PTPRD: variants seen among roughly 807,000 people sequenced by gnomAD.
PTPRD encodes receptor-type tyrosine-protein phosphatase delta.
A neutral mutation model predicts 214.5 loss-of-function variants in PTPRD; 34 were observed. The observed-to-expected ratio is 0.16, with a 90% CI of 0.12 to 0.21. The LOEUF (loss-of-function observed/expected upper bound fraction) is 0.21. PTPRD is among the 10% of genes least tolerant of loss of function. PTPRD has a pLI of 1.00. For missense variants in PTPRD, 2,545 were observed against 2,398.7 expected (o/e 1.06, Z -1.27); for synonymous variants, 1,128 against 845.7 (o/e 1.33, Z -5.79).
intron 9 of PTPRD, among the ~76,000 whole-genome samples, chr9:9,286,888 A>ATG: frequency 9.8e-5 from 1 of 10,226 alleles, no homozygotes; most frequent in Non-Finnish European, 1.6e-4. Context: ...ATATATATAT[A>ATG]TATATATATA....
chr9:8,572,732 T>C (rs1026113354), intron 14 of PTPRD, among the ~76,000 whole-genome samples: 3 of 151,944 alleles, frequency 2.0e-5, no homozygotes, highest in Non-Finnish European at 1.5e-5. Context: ...CTCCTTAACT[T>C]GAAAAAAATA....
rs1382400751 is a variant in PTPRD at position 8,341,905 on chromosome 9, C to T, written c.4735G>A (p.Val1579Ile). Residue 1579 changes from valine (V) to isoleucine (I), a missense_variant, in exon 40 of 46, where the codon GTA becomes ATA. Val to Ile is a conservative substitution (Grantham distance 29). Coordinates refer to ENST00000381196, the MANE Select transcript of PTPRD (RefSeq NM_002839.4). ...MLERIKHEKTVDIYGHVTLMR... is the reference protein window; with the variant it reads ...MLERIKHEKTIDIYGHVTLMR... ...AAAGTTACATGGCCATAAATATCTA[C>T]AGTTTTTTCATGCTTTATTCTTTCT... The T allele has an allele frequency of 1.2e-6, 2 of 1,613,246 alleles. No homozygotes were observed. The highest frequency in any genetic ancestry group is 1.7e-6 in the Non-Finnish European group (2 of 1,179,610).
At chr9:8,540,531 C>A (rs1593167317) in intron 14 of PTPRD, among the ~76,000 whole-genome samples, 1 of 152,110 alleles carries the variant, frequency 6.6e-6, no homozygotes, top group Admixed American at 6.6e-5. Context: ...TAACATAATG[C>A]ACGTTTATTA....
intron 34 of PTPRD, among the ~76,000 whole-genome samples, chr9:8,439,653 T>A (rs1163657559): frequency 6.6e-6 from 1 of 152,214 alleles, no homozygotes; most frequent in African/African-American, 2.4e-5. Flanking sequence ...TTGAAACTGT[T>A]TAGCTCATAT....
intron 11 of PTPRD, among the ~76,000 whole-genome samples, chr9:8,743,447 G>T (rs1176957166): frequency 1.3e-5 from 2 of 152,168 alleles, no homozygotes; most frequent in African/African-American, 2.4e-5. Context: ...ACAGTCTCAG[G>T]AAAGAAATAC....
intron 10 of PTPRD, among the ~76,000 whole-genome samples, chr9:9,136,994 T>C (rs898928900): frequency 1.3e-5 from 2 of 152,194 alleles, no homozygotes; most frequent in Non-Finnish European, 2.9e-5. Context: ...TGATGTTTTC[T>C]TCTTGTTTAT....
At chr9:9,643,827 A>G (rs1054040771) in intron 7 of PTPRD, among the ~76,000 whole-genome samples, 9 of 152,156 alleles carry the variant, frequency 5.9e-5, no homozygotes, top group African/African-American at 2.2e-4. Context: ...GTTTCCAAAC[A>G]TAATAAATCC....
chr9:9,131,279 C>A (rs538747406), intron 10 of PTPRD, among the ~76,000 whole-genome samples: 23 of 152,174 alleles, frequency 1.5e-4, no homozygotes, highest in African/African-American at 5.5e-4. Context: ...AGTATGAAAA[C>A]TTTTAGTATT....
At chr9:9,151,060 T>A (rs1048562331) in intron 10 of PTPRD, among the ~76,000 whole-genome samples, 6 of 152,196 alleles carry the variant, frequency 3.9e-5, no homozygotes, top group Non-Finnish European at 7.4e-5. Context: ...TAATTAAATA[T>A]TTCCTCCCAA....
intron 2 of PTPRD, among the ~76,000 whole-genome samples, chr9:10,541,832 T>G (rs931480511): frequency 5.9e-5 from 9 of 152,062 alleles, no homozygotes; most frequent in African/African-American, 2.2e-4. Context: ...ATGGGTTAAA[T>G]ATATTTAATA....
At chr9:10,068,590 C>G (rs558297752) in intron 3 of PTPRD, among the ~76,000 whole-genome samples, 2 of 151,914 alleles carry the variant, frequency 1.3e-5, no homozygotes, top group Admixed American at 6.6e-5. Flanking sequence ...TTTTCAACCA[C>G]CAAACCATAT....
intron 7 of PTPRD, among the ~76,000 whole-genome samples, chr9:9,606,911 A>G (rs2094192306): frequency 7.0e-6 from 1 of 143,686 alleles, no homozygotes; most frequent in South Asian, 2.3e-4. Flanking sequence ...ATTAAGGCAG[A>G]CAGGGCTATC....
chr9:9,805,203 A>C (rs991725006), intron 5 of PTPRD, among the ~76,000 whole-genome samples: 1 of 152,174 alleles, frequency 6.6e-6, no homozygotes, highest in African/African-American at 2.4e-5. Flanking sequence ...ATAACCCCCA[A>C]ATGAATGATG....
At chr9:9,807,068 C>T (rs936723380) in intron 5 of PTPRD, among the ~76,000 whole-genome samples, 4 of 152,184 alleles carry the variant, frequency 2.6e-5, no homozygotes, top group Admixed American at 2.6e-4. Context: ...ACTTGGCCCT[C>T]TTCCAAGTAT....
intron 39 of PTPRD, among the ~76,000 whole-genome samples, chr9:8,347,567 G>T (rs2074227032): frequency 6.6e-6 from 1 of 152,124 alleles, no homozygotes; most frequent in Non-Finnish European, 1.5e-5. Flanking sequence ...TTGAGGAAGT[G>T]CCATTGAAAC....
chr9:10,379,941 T>C (rs967375374), intron 2 of PTPRD, among the ~76,000 whole-genome samples: 1 of 152,018 alleles, frequency 6.6e-6, no homozygotes, highest in Admixed American at 6.6e-5. Flanking sequence ...GACTATTCAT[T>C]GTTGTTTATA....
intron 3 of PTPRD, among the ~76,000 whole-genome samples, chr9:10,099,307 T>C (rs1302032497): frequency 2.6e-5 from 4 of 151,628 alleles, no homozygotes; most frequent in Admixed American, 6.6e-5. Flanking sequence ...TTTTTTCACC[T>C]GTAAAATCGG....
chr9:9,701,678 G>T (rs2097504988), intron 7 of PTPRD, among the ~76,000 whole-genome samples: 1 of 152,118 alleles, frequency 6.6e-6, no homozygotes, highest in Admixed American at 6.6e-5. Flanking sequence ...CATTAGATGT[G>T]AAATAGAATA....
chr9:9,662,014 GAT>G (rs2096631158), intron 7 of PTPRD, among the ~76,000 whole-genome samples: 1 of 151,656 alleles, frequency 6.6e-6, no homozygotes, highest in African/African-American at 2.4e-5. Flanking sequence ...ACACATGTAT[GAT>G]ATATATGATT....
Sources: allele counts gnomAD v4.1 joint callset (sites outside exome capture counted in the v4.1 genomes callset), GRCh38; gene constraint gnomAD v4.1.1; transcripts MANE v1.5; gene names NCBI Gene and HGNC (gene_info 2026-07-23, HGNC 2026-07-21).